RAD18: variants seen among roughly 807,000 people sequenced by gnomAD.
RAD18 encodes RAD18 E3 ubiquitin protein ligase.
RAD18 carries 47 observed loss-of-function variants against 60.4 expected under a neutral mutation model. That is an observed-to-expected ratio of 0.78 (90% CI 0.62 to 0.99). The LOEUF (loss-of-function observed/expected upper bound fraction) is 0.99. RAD18 is among the 50% of genes least tolerant of loss of function. RAD18 has a pLI of 0.00. For synonymous variants in RAD18, 225 were observed against 195.5 expected (o/e 1.15, Z -1.26); for missense variants, 640 against 593.3 (o/e 1.08, Z -0.82).
chr3:8,945,463 AT>A (rs1435643812), intron 4 of RAD18, among the ~76,000 whole-genome samples: 1 of 103,592 alleles, frequency 9.7e-6, no homozygotes. Flanking sequence ...GTGTGTTTCC[AT>A]CTTCTTTTTT....
intron 7 of RAD18, among the ~76,000 whole-genome samples, chr3:8,934,229 T>A (rs1940612537): frequency 6.6e-6 from 1 of 151,870 alleles, no homozygotes; most frequent in South Asian, 2.1e-4. Context: ...GATCTTGAAG[T>A]AGGCTAAGGC....
intron 6 of RAD18, among the ~76,000 whole-genome samples, chr3:8,939,218 G>A (rs1028085872): frequency 6.6e-6 from 1 of 151,930 alleles, no homozygotes; most frequent in Non-Finnish European, 1.5e-5. Context: ...GTCTAACCTT[G>A]CTTTCTTTGG....
At chr3:8,932,566 T>A (rs1479003612) in intron 7 of RAD18, among the ~76,000 whole-genome samples, 1 of 152,064 alleles carries the variant, frequency 6.6e-6, no homozygotes, top group Non-Finnish European at 1.5e-5. Context: ...GCAAAATGAT[T>A]CAGTCATTTG....
At chr3:8,914,381 T>C (rs1940159716) in intron 7 of RAD18, among the ~76,000 whole-genome samples, 1 of 152,212 alleles carries the variant, frequency 6.6e-6, no homozygotes. Flanking sequence ...AAAAATTATA[T>C]CTGGAATTTG....
chr3:8,916,578 A>T (rs1430710151), intron 7 of RAD18, among the ~76,000 whole-genome samples: 2 of 152,242 alleles, frequency 1.3e-5, no homozygotes, highest in Admixed American at 1.3e-4. Flanking sequence ...ATGATACAGG[A>T]TCTAGTAGAA....
intron 12 of RAD18, among the ~76,000 whole-genome samples, chr3:8,882,333 A>G (rs1024092095): frequency 2.6e-5 from 4 of 152,168 alleles, no homozygotes; most frequent in South Asian, 2.1e-4. Context: ...GCAAAGATTC[A>G]CTGCTGCAGG....
At chr3:8,939,721 CA>C in intron 5 of RAD18, 68 bp from the exon 6 acceptor site, 1 of 1,298,590 alleles carries the variant, frequency 7.7e-7, no homozygotes, top group Non-Finnish European at 1.1e-6. Flanking sequence ...TGTAAACTGG[CA>C]TCTTTTCAGC....
intron 4 of RAD18, among the ~76,000 whole-genome samples, chr3:8,945,228 T>G (rs1324948810): frequency 1.3e-5 from 2 of 152,172 alleles, no homozygotes; most frequent in Non-Finnish European, 2.9e-5. Context: ...AATTTGATCG[T>G]TTTTAGAATG....
At chr3:8,948,985 A>G (rs761031699) in intron 2 of RAD18, among the ~76,000 whole-genome samples, 2 of 152,212 alleles carry the variant, frequency 1.3e-5, no homozygotes, top group Non-Finnish European at 2.9e-5. Flanking sequence ...AGGGACTTCT[A>G]TATCTTAATT....
intron 9 of RAD18, among the ~76,000 whole-genome samples, chr3:8,905,709 C>A (rs1214019496): frequency 6.6e-6 from 1 of 152,184 alleles, no homozygotes; most frequent in East Asian, 1.9e-4. Context: ...GATCATAATT[C>A]TCAAATGGGC....
intron 12 of RAD18, among the ~76,000 whole-genome samples, chr3:8,889,181 G>A (rs986980158): frequency 1.3e-5 from 2 of 152,150 alleles, no homozygotes; most frequent in African/African-American, 4.8e-5. Context: ...CAACTGCACA[G>A]CAAGCCTCTC....
chr3:8,928,450 T>TA (rs1940487915), intron 7 of RAD18, among the ~76,000 whole-genome samples: 1 of 152,092 alleles, frequency 6.6e-6, no homozygotes, highest in South Asian at 2.1e-4. Flanking sequence ...AGCTTAAACA[T>TA]AATGGTATAA....
chr3:8,938,032 C>A (rs1940682945), intron 6 of RAD18, among the ~76,000 whole-genome samples: 1 of 152,166 alleles, frequency 6.6e-6, no homozygotes, highest in African/African-American at 2.4e-5. Context: ...ATTCCTTACT[C>A]TTCCAAAAGA....
intron 7 of RAD18, among the ~76,000 whole-genome samples, chr3:8,929,693 G>A (rs1223251177): frequency 6.7e-6 from 1 of 149,782 alleles, no homozygotes; most frequent in African/African-American, 2.5e-5. Context: ...CCAGACTGTA[G>A]TGCAATGGCA....
intron 2 of RAD18, among the ~76,000 whole-genome samples, chr3:8,955,032 T>C (rs1940985593): frequency 1.3e-5 from 2 of 152,204 alleles, no homozygotes; most frequent in African/African-American, 4.8e-5. Flanking sequence ...AAGTGACAGC[T>C]ATAAGTCATG....
chr3:8,963,463 A>G lies in RAD18; in HGVS notation c.-78T>C. The stretch of plus-strand genomic sequence containing the variant: ...AACACCACTCGAAATTCCCCGCGCT[A>G]CCGCATTACGTCAGCAGCCCGCGAC... On this transcript the variant is annotated 5_prime_UTR_variant, in exon 1 of 13. The change abolishes the stop of an existing upstream ORF in the 5' untranslated region. Coordinates refer to ENST00000264926, the MANE Select transcript of RAD18 (RefSeq NM_020165.4). 1.5e-6 allele frequency: 2 copies of G among 1,356,358 alleles called. No individual in the cohort carries two copies. The highest frequency in any genetic ancestry group is 1.5e-5 in the African/African-American group (1 of 68,132). The allele number at this position is 1,356,358 out of a possible 1,614,324, so 84.0% of individuals were successfully genotyped here.
chr3:8,891,307 G>A (rs755812237), intron 11 of RAD18, among the ~76,000 whole-genome samples: 3 of 151,730 alleles, frequency 2.0e-5, no homozygotes, highest in Non-Finnish European at 2.9e-5. Flanking sequence ...ACACCCCCCT[G>A]TGCTCCACAA....
At chr3:8,957,828 A>G (rs1426468165) in intron 2 of RAD18, among the ~76,000 whole-genome samples, 1 of 152,240 alleles carries the variant, frequency 6.6e-6, no homozygotes, top group African/African-American at 2.4e-5. Context: ...TCTTAATTGC[A>G]GTAGTAACAC....
chr3:8,914,647 T>G (rs550262912), intron 7 of RAD18, among the ~76,000 whole-genome samples: 2 of 152,320 alleles, frequency 1.3e-5, no homozygotes, highest in East Asian at 3.9e-4. Context: ...AGGTACCTTT[T>G]GCCTCCTTGA....
Sources: allele counts gnomAD v4.1 joint callset (sites outside exome capture counted in the v4.1 genomes callset), GRCh38; gene constraint gnomAD v4.1.1; transcripts MANE v1.5; gene names NCBI Gene and HGNC (gene_info 2026-07-23, HGNC 2026-07-21).